RB1: variants seen among roughly 807,000 people sequenced by gnomAD.
RB1 encodes retinoblastoma-associated protein.
In RB1, 18 loss-of-function variants were observed where a neutral mutation model predicts 135.4. The ratio of observed to expected loss-of-function variants is 0.13; its 90% confidence interval spans 0.09 to 0.20. The LOEUF (loss-of-function observed/expected upper bound fraction) is 0.20, where lower values mean the gene tolerates loss of function less well. Ranked by LOEUF, RB1 falls within the 10% of genes least tolerant of loss-of-function variation. The pLI is 1.00. For synonymous variants in RB1, 365 were observed against 373.2 expected (o/e 0.98, Z 0.25); for missense variants, 868 against 1,110.0 (o/e 0.78, Z 3.10).
At chr13:48,398,392 A>C (rs1948664581) in intron 17 of RB1, among the ~76,000 whole-genome samples, 1 of 152,106 alleles carries the variant, frequency 6.6e-6, no homozygotes, top group Admixed American at 6.6e-5. Flanking sequence ...GAAATTATTT[A>C]GCTTGTTCTA....
intron 18 of RB1, 80 bp downstream of exon 18, chr13:48,453,191 G>C (rs1380571794): frequency 7.5e-7 from 1 of 1,324,786 alleles, no homozygotes; most frequent in African/African-American, 1.4e-5. Context: ...ATTCTATAAA[G>C]AAACTGTAGG....
At chr13:48,378,573 C>T (rs547819604) in intron 13 of RB1, among the ~76,000 whole-genome samples, 2 of 150,700 alleles carry the variant, frequency 1.3e-5, no homozygotes, top group Admixed American at 1.3e-4. Context: ...GGGTGTTTTA[C>T]ATTTAACTTT....
At chr13:48,317,003 T>A in intron 2 of RB1, 1 of 526,012 alleles carries the variant, frequency 1.9e-6, no homozygotes, top group South Asian at 2.4e-5. Flanking sequence ...ACCTCAGGTC[T>A]AAAATGCTTT....
At chr13:48,400,820 T>C (rs1948685609) in intron 17 of RB1, among the ~76,000 whole-genome samples, 1 of 152,142 alleles carries the variant, frequency 6.6e-6, no homozygotes, top group Admixed American at 6.6e-5. Flanking sequence ...GTACCCTTCA[T>C]TCCTTTTCCT....
chr13:48,458,602 G>A (rs940475455), intron 19 of RB1, among the ~76,000 whole-genome samples: 3 of 152,144 alleles, frequency 2.0e-5, no homozygotes, highest in African/African-American at 7.2e-5. Context: ...AAACTCTTAA[G>A]ATAGGGCCCT....
intron 2 of RB1, among the ~76,000 whole-genome samples, chr13:48,337,909 T>C (rs2138077020): frequency 1.3e-5 from 2 of 152,350 alleles, no homozygotes; most frequent in South Asian, 4.1e-4. Flanking sequence ...TGTTTGCCTG[T>C]GAAGGATTTT....
Position 48,480,031 on chromosome 13 carries a change from T to C in RB1, c.2747T>C (p.Met916Thr). 6.2e-7 allele frequency: 1 copy of C among 1,613,460 alleles called. No individual in the cohort carries two copies. The highest frequency in any genetic ancestry group is 8.5e-7 in the Non-Finnish European group (1 of 1,179,602). Residue 916 changes from methionine (M) to threonine (T), a missense_variant, in exon 27 of 27, where the codon ATG becomes ACG. Met to Thr is a moderately conservative substitution (Grantham distance 81). Coordinates refer to ENST00000267163, the MANE Select transcript of RB1 (RefSeq NM_000321.3). ...STRTRMQKQK[M>T]NDSMDTSNKE... Reference sequence around the variant, plus strand: ...CGAACACGAATGCAAAAGCAGAAAATGAATGATAGCATGGATACCTCAAAC... The same window carrying C: ...CGAACACGAATGCAAAAGCAGAAAACGAATGATAGCATGGATACCTCAAAC...
chr13:48,436,758 C>T (rs1949188570), intron 17 of RB1, among the ~76,000 whole-genome samples: 1 of 152,126 alleles, frequency 6.6e-6, no homozygotes, highest in African/African-American at 2.4e-5. Flanking sequence ...TCAGAAAGGC[C>T]AAGGTCTGCC....
chr13:48,379,701 C>A, intron 14 of RB1, 51 bp downstream of exon 14: 1 of 1,572,654 alleles, frequency 6.4e-7, no homozygotes, highest in Non-Finnish European at 8.6e-7. Context: ...GTGGCTCACG[C>A]CTGCAATCCC....
At chr13:48,448,370 A>G (rs1949303796) in intron 17 of RB1, among the ~76,000 whole-genome samples, 1 of 152,148 alleles carries the variant, frequency 6.6e-6, no homozygotes, top group South Asian at 2.1e-4. Flanking sequence ...TCTCCCCGCC[A>G]TAAAATCCAG....
At position 48,319,345 on chromosome 13, in the gene RB1, T is replaced by C; in HGVS notation, c.264+11939T>C. On this transcript the variant is annotated intron_variant, in intron 2 of 26. Transcript: ENST00000267163. This position sits in a 1 kb window ranked among gnomAD's most constrained non-coding sequence, Gnocchi z 5.0. ...TGGGGCAGGTCCCCGTTGGCCTCCT[T>C]GCGTGTTTGCCGCAGCTAGTACACC... 1 of 513,858 alleles carries C rather than the reference T, an allele frequency of 1.9e-6. No individual in the cohort carries two copies. Among genetic ancestry groups the C allele is most frequent in the South Asian group, 1.8e-5 (1 of 54,332 alleles). The allele number at this position is 513,858 out of a possible 1,614,324, so 31.8% of individuals were successfully genotyped here. A position where few individuals can be genotyped will look rare whatever the true frequency, so the allele number is the denominator to read the frequency against.
intron 17 of RB1, 58 bp downstream of exon 17, chr13:48,381,501 G>A: frequency 2.0e-6 from 3 of 1,501,278 alleles, no homozygotes; most frequent in Non-Finnish European, 2.8e-6. Flanking sequence ...ACAAATTATT[G>A]TTAGTGAGAG....
rs201395083 is a variant in RB1, at chr13:48,412,092, C to G, written c.1695+30649C>G. The G allele has an allele frequency of 3.1e-4, 508 of 1,613,152 alleles. 2 individuals are homozygous for G. Among genetic ancestry groups the G allele is most frequent in the Non-Finnish European group, 1.4e-4 (166 of 1,179,546 alleles). Reference sequence around the variant, plus strand: ...GACAATTGCCAGAAATCGATCTACACTAATACAGGTTAAGAACAGAATGCT... The same window carrying G: ...GACAATTGCCAGAAATCGATCTACAGTAATACAGGTTAAGAACAGAATGCT... On this transcript the variant is annotated intron_variant, in intron 17 of 26. Coordinates refer to ENST00000267163, the MANE Select transcript of RB1 (RefSeq NM_000321.3).
intron 17 of RB1, chr13:48,408,500 A>G (rs1233278750): frequency 1.3e-5 from 2 of 152,176 alleles, no homozygotes; most frequent in African/African-American, 4.8e-5. Flanking sequence ...CAGTTTTTAT[A>G]GGGGGGCTTA....
intron 1 of RB1, among the ~76,000 whole-genome samples, chr13:48,306,633 G>C (rs1158488832): frequency 3.3e-5 from 5 of 152,134 alleles, no homozygotes; most frequent in Non-Finnish European, 2.9e-5. Context: ...CTGATGTCGG[G>C]ATTCAGTGAA....
chr13:48,355,195 A>G (rs529356904), intron 6 of RB1, among the ~76,000 whole-genome samples: 1 of 152,258 alleles, frequency 6.6e-6, no homozygotes, highest in South Asian at 2.1e-4. Flanking sequence ...ACCAGAATAT[A>G]TAAGGAACCC....
At chr13:48,386,494 G>A (rs1948572784) in intron 17 of RB1, among the ~76,000 whole-genome samples, 2 of 152,110 alleles carry the variant, frequency 1.3e-5, no homozygotes, top group South Asian at 2.1e-4. Flanking sequence ...TATTGGTTGA[G>A]TTGTGAACTG....
chr13:48,419,230 A>G (rs998324253), intron 17 of RB1, among the ~76,000 whole-genome samples: 7 of 152,200 alleles, frequency 4.6e-5, no homozygotes, highest in Admixed American at 2.0e-4. Context: ...GGATTAAGAA[A>G]CTCACTCAAA....
chr13:48,337,663 C>T (rs954734773), intron 2 of RB1, among the ~76,000 whole-genome samples: 1 of 152,174 alleles, frequency 6.6e-6, no homozygotes, highest in African/African-American at 2.4e-5. Context: ...TTAATTGGAG[C>T]ATTTAGCCCA....
Sources: gnomAD v4.1 joint callset for allele counts (sites outside exome capture counted in the v4.1 genomes callset) on GRCh38, gnomAD v4.1.1 for gene constraint, Gnocchi (gnomAD v3.1) non-coding constraint, MANE v1.5 for transcripts, NCBI Gene and HGNC (gene_info 2026-07-23, HGNC 2026-07-21) for gene names.